The following FNDC3B variants were observed in gnomAD, a reference collection of about 807,000 sequenced individuals.
FNDC3B encodes the protein fibronectin type III domain-containing protein 3B.
FNDC3B carries 12 observed loss-of-function variants against 151.5 expected under a neutral mutation model. The observed-to-expected ratio is 0.08, with a 90% CI of 0.05 to 0.13. The LOEUF is 0.13. Ranked by LOEUF, FNDC3B falls within the 10% of genes least tolerant of loss-of-function variation. FNDC3B has a pLI of 1.00. For missense variants in FNDC3B, 1,214 were observed against 1,505.3 expected (o/e 0.81, Z 3.20); for synonymous variants, 528 against 549.0 (o/e 0.96, Z 0.54).
intron 6 of FNDC3B, among the ~76,000 whole-genome samples, chr3:172,285,266 C>G (rs531617544): frequency 1.3e-5 from 2 of 152,198 alleles, no homozygotes; most frequent in Non-Finnish European, 2.9e-5. Flanking sequence ...ACTCTCAGCT[C>G]TAGCCCAGGC....
intron 1 of FNDC3B, among the ~76,000 whole-genome samples, chr3:172,056,463 T>G (rs536088820): frequency 6.6e-6 from 1 of 152,352 alleles, no homozygotes; most frequent in Non-Finnish European, 1.5e-5. Flanking sequence ...TTTTCATATT[T>G]GGAGGGGACA....
At chr3:172,242,401 C>T (rs1727545411) in intron 4 of FNDC3B, among the ~76,000 whole-genome samples, 2 of 152,226 alleles carry the variant, frequency 1.3e-5, no homozygotes, top group South Asian at 2.1e-4. Flanking sequence ...CCCCACTCTG[C>T]AGCAAACTTC....
intron 1 of FNDC3B, among the ~76,000 whole-genome samples, chr3:172,096,342 G>A (rs1202627006): frequency 1.3e-5 from 2 of 152,150 alleles, no homozygotes; most frequent in East Asian, 3.8e-4. Flanking sequence ...TTAATTCATG[G>A]AATCCAGTCT....
chr3:172,287,771 C>T (rs1730105090), intron 7 of FNDC3B, among the ~76,000 whole-genome samples: 2 of 152,166 alleles, frequency 1.3e-5, no homozygotes, highest in Non-Finnish European at 2.9e-5. Context: ...AAGACAAAAG[C>T]CATATTTAGA....
At chr3:172,054,774 CT>C in intron 1 of FNDC3B, among the ~76,000 whole-genome samples, 1 of 152,294 alleles carries the variant, frequency 6.6e-6, no homozygotes, top group East Asian at 1.9e-4. Context: ...GGCTGCCCAC[CT>C]GACCCCTCTC....
chr3:172,360,206 C>G (rs1734296557), intron 22 of FNDC3B, among the ~76,000 whole-genome samples: 1 of 152,152 alleles, frequency 6.6e-6, no homozygotes, highest in African/African-American at 2.4e-5. Flanking sequence ...TTTCTAATGG[C>G]TAATGATGTC....
chr3:172,392,910 A>C (rs1736089393), intron 25 of FNDC3B, among the ~76,000 whole-genome samples: 1 of 143,576 alleles, frequency 7.0e-6, no homozygotes, highest in South Asian at 2.2e-4. Flanking sequence ...ATGTCCAAGC[A>C]GTTCTTCTGC....
chr3:172,186,581 A>G (rs535643311), intron 3 of FNDC3B: 18 of 615,938 alleles, frequency 2.9e-5, no homozygotes, highest in Middle Eastern at 3.9e-4. Context: ...TCTTGGCACT[A>G]TGGTATTTTT....
chr3:172,039,784 A>G lies in FNDC3B; in HGVS notation c.-29+13A>G, dbSNP rs1252667465. On this transcript the variant is annotated intron_variant, in intron 1 of 25. Transcript: ENST00000415807. ...AGCCCTAGGGAAGGTAAGGCGTGCA[A>G]GAGCCGGGGACTAGAGGAGACCGGG... 2 of 153,402 alleles carry G rather than the reference A, an allele frequency of 1.3e-5. No individual in the cohort carries two copies. Among genetic ancestry groups the G allele is most frequent in the Admixed American group, 1.3e-4 (2 of 15,276 alleles). The allele number at this position is 153,402 out of a possible 1,614,324, so 9.5% of individuals were successfully genotyped here.
At chr3:172,166,918 C>T (rs1012716707) in intron 3 of FNDC3B, among the ~76,000 whole-genome samples, 2 of 152,098 alleles carry the variant, frequency 1.3e-5, no homozygotes, top group Non-Finnish European at 2.9e-5. Flanking sequence ...ATATTGTTGT[C>T]ATTTGCTTTT....
intron 23 of FNDC3B, among the ~76,000 whole-genome samples, chr3:172,373,298 A>G (rs1464499802): frequency 6.6e-6 from 1 of 152,140 alleles, no homozygotes; most frequent in Non-Finnish European, 1.5e-5. Context: ...TGAAGTATTA[A>G]TAGTAGTGAT....
chr3:172,180,981 T>C (rs1723859980), intron 3 of FNDC3B, among the ~76,000 whole-genome samples: 1 of 152,124 alleles, frequency 6.6e-6, no homozygotes, highest in Non-Finnish European at 1.5e-5. Context: ...AAAGGTGATA[T>C]TTACTTCTTA....
chr3:172,333,804 C>T (rs151266151), intron 14 of FNDC3B, among the ~76,000 whole-genome samples: 36 of 152,216 alleles, frequency 2.4e-4, no homozygotes, highest in African/African-American at 7.0e-4. Flanking sequence ...TTTTTCCTTT[C>T]GAGCAGTCTC....
chr3:172,339,768 G>A (rs973332569), intron 16 of FNDC3B, among the ~76,000 whole-genome samples: 1 of 152,176 alleles, frequency 6.6e-6, no homozygotes, highest in Non-Finnish European at 1.5e-5. Context: ...TAACAACTTT[G>A]TGACTGCATG....
intron 7 of FNDC3B, 39 bp from the exon 8 acceptor site, chr3:172,295,324 T>C (rs2108840510): frequency 6.3e-7 from 1 of 1,575,136 alleles, no homozygotes; most frequent in South Asian, 1.2e-5. Flanking sequence ...AAATGTAAAA[T>C]GGATTTGAAT....
chr3:172,372,972 G>A (rs527268856), intron 23 of FNDC3B, among the ~76,000 whole-genome samples: 2 of 152,326 alleles, frequency 1.3e-5, no homozygotes, highest in Non-Finnish European at 2.9e-5. Flanking sequence ...GCTGGTTAGA[G>A]CACAGGTCTT....
chr3:172,202,298 A>G (rs978607235), intron 3 of FNDC3B, among the ~76,000 whole-genome samples: 4 of 152,222 alleles, frequency 2.6e-5, no homozygotes, highest in African/African-American at 7.2e-5. Flanking sequence ...ATTGAAAAAC[A>G]CAGAAATCTT....
chr3:172,215,579 C>T (rs1043675410), intron 3 of FNDC3B, among the ~76,000 whole-genome samples: 3 of 152,172 alleles, frequency 2.0e-5, no homozygotes, highest in African/African-American at 7.2e-5. Context: ...CAAAAATTAG[C>T]TTGGCATGGT....
chr3:172,337,438 A>G (rs1560086608), intron 16 of FNDC3B, 37 bp downstream of exon 16: 1 of 1,318,172 alleles, frequency 7.6e-7, no homozygotes, highest in Middle Eastern at 1.8e-4. Flanking sequence ...CAAATCCAAT[A>G]GCAAGCTCTG....
Sources: allele counts gnomAD v4.1 joint callset (sites outside exome capture counted in the v4.1 genomes callset), GRCh38; gene constraint gnomAD v4.1.1; transcripts MANE v1.5; gene names NCBI Gene and HGNC (gene_info 2026-07-23, HGNC 2026-07-21).